The following VGLL4 variants were observed in gnomAD, a reference collection of about 807,000 sequenced individuals.
VGLL4 encodes transcription cofactor vestigial-like protein 4.
In VGLL4, 7 loss-of-function variants were observed where a neutral mutation model predicts 21.0. That is an observed-to-expected ratio of 0.33 (90% CI 0.19 to 0.63). The LOEUF is 0.63. Among genes scored for constraint, VGLL4 ranks in the 20% least tolerant of loss-of-function variants. VGLL4 has a pLI of 0.78. For synonymous variants in VGLL4, 222 were observed against 173.2 expected, an observed-to-expected ratio of 1.28 and a Z score of -2.21; for missense variants, 394 against 425.7, an observed-to-expected ratio of 0.93 and a Z score of 0.66.
intron 2 of VGLL4, among the ~76,000 whole-genome samples, chr3:11,593,518 C>T (rs2074554903): frequency 6.6e-6 from 1 of 152,066 alleles, no homozygotes; most frequent in African/African-American, 2.4e-5. Flanking sequence ...TTTGTTTTTC[C>T]CTCTTTTTCT....
intron 2 of VGLL4, among the ~76,000 whole-genome samples, chr3:11,580,959 G>A (rs1163403940): frequency 3.3e-5 from 5 of 151,768 alleles, no homozygotes; most frequent in Non-Finnish European, 5.9e-5. Context: ...GATGGCTAAT[G>A]TTAACAGCAA....
At position 11,696,356 on chromosome 3, in the gene VGLL4, T is replaced by A. The variant is rs560735528; in HGVS notation, c.64+6615A>T. On this transcript the variant is annotated intron_variant, in intron 2 of 5. Transcript: ENST00000273038. ...TACTCCAGAAAATGGTCACTCCCTT[T>A]GGTGAAACCTATTTGTCTCCCTCCT... Among the ~76,000 whole-genome samples, 7 of 152,364 alleles carry A rather than the reference T, an allele frequency of 4.6e-5. No individual in the cohort carries two copies. The South Asian group carries it at 1.2e-3, about 27-fold the overall frequency.
intron 2 of VGLL4, among the ~76,000 whole-genome samples, chr3:11,588,419 G>A (rs2074409409): frequency 6.6e-6 from 1 of 152,242 alleles, no homozygotes; most frequent in Non-Finnish European, 1.5e-5. Context: ...TGAGTGTGCA[G>A]GCCCCCAGTT....
intron 1 of VGLL4, among the ~76,000 whole-genome samples, chr3:11,706,402 C>A (rs2076761453): frequency 6.6e-6 from 1 of 152,308 alleles, no homozygotes; most frequent in South Asian, 2.1e-4. Flanking sequence ...AGATAGATCT[C>A]TGCTTTCAAG....
At chr3:11,578,367 TCTC>T (rs1331653007) in intron 2 of VGLL4, among the ~76,000 whole-genome samples, 1 of 151,984 alleles carries the variant, frequency 6.6e-6, no homozygotes, top group African/African-American at 2.4e-5. Flanking sequence ...TGTGTGGCAG[TCTC>T]CTCCTCCCCA....
At chr3:11,669,808 T>C (rs1171697033) in intron 2 of VGLL4, among the ~76,000 whole-genome samples, 2 of 152,186 alleles carry the variant, frequency 1.3e-5, no homozygotes, top group African/African-American at 4.8e-5. Context: ...GCCTCCTGAA[T>C]AGCTGGGACT....
chr3:11,616,453 C>T (rs897057836), intron 1 of VGLL4, among the ~76,000 whole-genome samples: 3 of 152,226 alleles, frequency 2.0e-5, no homozygotes, highest in Admixed American at 6.5e-5. Context: ...TCCCTAGGGC[C>T]TCCTTTCCTT....
chr3:11,625,632 TA>T (rs1231939945), intron 1 of VGLL4, among the ~76,000 whole-genome samples: 1 of 152,162 alleles, frequency 6.6e-6, no homozygotes, highest in Non-Finnish European at 1.5e-5. Context: ...TTTTCACAGC[TA>T]AAGATTAGTG....
chr3:11,671,687 GA>G (rs1325826912), intron 2 of VGLL4, among the ~76,000 whole-genome samples: 5 of 152,008 alleles, frequency 3.3e-5, no homozygotes, highest in African/African-American at 1.2e-4. Flanking sequence ...TTCCTAAAGG[GA>G]CTCATTCTGA....
chr3:11,708,538 G>A (rs907398283), intron 1 of VGLL4, among the ~76,000 whole-genome samples: 2 of 151,558 alleles, frequency 1.3e-5, no homozygotes, highest in Non-Finnish European at 2.9e-5. Context: ...CGTGTGCCTG[G>A]AGGGCCTGCA....
intron 2 of VGLL4, among the ~76,000 whole-genome samples, chr3:11,655,198 C>T (rs2075939145): frequency 6.6e-6 from 1 of 152,136 alleles, no homozygotes; most frequent in South Asian, 2.1e-4. Context: ...GAATTTACAC[C>T]CAGGAAATAA....
At chr3:11,576,271 A>G (rs1357322117) in intron 2 of VGLL4, among the ~76,000 whole-genome samples, 1 of 152,240 alleles carries the variant, frequency 6.6e-6, no homozygotes, top group Non-Finnish European at 1.5e-5. Flanking sequence ...TTTACAGGCA[A>G]AACAGATGTG....
chr3:11,588,740 G>T (rs1042427894), intron 2 of VGLL4, among the ~76,000 whole-genome samples: 4 of 152,244 alleles, frequency 2.6e-5, no homozygotes, highest in Non-Finnish European at 2.9e-5. Context: ...TGAATAGGGG[G>T]ACAGAAGGCA....
intron 1 of VGLL4, among the ~76,000 whole-genome samples, chr3:11,628,344 T>C (rs2075398953): frequency 6.7e-6 from 1 of 149,168 alleles, no homozygotes; most frequent in South Asian, 2.1e-4. Flanking sequence ...ACCGAGATCG[T>C]GCCATTGCAA....
intron 2 of VGLL4, among the ~76,000 whole-genome samples, chr3:11,661,155 GCTCT>G (rs915873217): frequency 1.1e-4 from 17 of 152,100 alleles, no homozygotes; most frequent in African/African-American, 3.1e-4. Flanking sequence ...TGGAAAGAAA[GCTCT>G]CTGAGGCGGC....
At chr3:11,627,024 T>C (rs1335295440) in intron 1 of VGLL4, among the ~76,000 whole-genome samples, 3 of 152,086 alleles carry the variant, frequency 2.0e-5, no homozygotes, top group Non-Finnish European at 1.5e-5. Context: ...ATCACTTAAA[T>C]GTAGTCATAC....
chr3:11,602,383 T>C (rs145347811), intron 1 of VGLL4, among the ~76,000 whole-genome samples: 66 of 152,260 alleles, frequency 4.3e-4, no homozygotes, highest in African/African-American at 1.3e-3. Flanking sequence ...TCGATACAGA[T>C]AGGAGAATGA....
At chr3:11,632,205 T>C (rs531835083) in intron 1 of VGLL4, among the ~76,000 whole-genome samples, 7 of 151,952 alleles carry the variant, frequency 4.6e-5, no homozygotes, top group Non-Finnish European at 7.4e-5. Context: ...CCCAGCTACT[T>C]GGGAGGCTGA....
At chr3:11,593,936 T>G (rs2074570018) in intron 2 of VGLL4, among the ~76,000 whole-genome samples, 1 of 152,222 alleles carries the variant, frequency 6.6e-6, no homozygotes, top group Non-Finnish European at 1.5e-5. Flanking sequence ...TGACCATGGC[T>G]TTGATCCCAG....
Sources: gnomAD v4.1 joint callset for allele counts (sites outside exome capture counted in the v4.1 genomes callset) on GRCh38, gnomAD v4.1.1 for gene constraint, MANE v1.5 for transcripts, NCBI Gene and HGNC (gene_info 2026-07-23, HGNC 2026-07-21) for gene names.